RIN2: variants seen among roughly 807,000 people sequenced by gnomAD.
RIN2 encodes Ras and Rab interactor 2.
Under a neutral mutation model 78.0 loss-of-function variants are expected in RIN2, and 36 were observed. The ratio of observed to expected loss-of-function variants is 0.46; its 90% CI spans 0.35 to 0.61. The LOEUF (loss-of-function observed/expected upper bound fraction) is 0.61, where lower values mean the gene tolerates loss of function less well. RIN2 is among the 20% of genes least tolerant of loss of function. The pLI is 0.00. For missense variants in RIN2, 1,087 were observed against 1,159.7 expected (o/e 0.94, Z 0.91); for synonymous variants, 466 against 466.8 (o/e 1.00, Z 0.02).
chr20:19,898,857 C>T (rs1430103957), intron 3 of RIN2, among the ~76,000 whole-genome samples: 1 of 152,144 alleles, frequency 6.6e-6, no homozygotes, highest in African/African-American at 2.4e-5. Flanking sequence ...AGTTTTAAAA[C>T]CCTCTAATAA....
intron 2 of RIN2, among the ~76,000 whole-genome samples, chr20:19,864,791 C>G (rs1389752733): frequency 2.0e-5 from 3 of 152,160 alleles, no homozygotes; most frequent in Non-Finnish European, 4.4e-5. Flanking sequence ...TTACCATCCT[C>G]AAAGGGCCGT....
intron 2 of RIN2, among the ~76,000 whole-genome samples, chr20:19,868,003 C>T (rs1029127950): frequency 9.8e-5 from 15 of 152,306 alleles, no homozygotes; most frequent in Admixed American, 2.0e-4. Context: ...CCATCAGTGT[C>T]GTCATGTCTG....
intron 3 of RIN2, among the ~76,000 whole-genome samples, chr20:19,906,854 G>A (rs2039241120): frequency 6.6e-6 from 1 of 152,212 alleles, no homozygotes. Flanking sequence ...ATAGGCCACT[G>A]GAGTATGACC....
chr20:19,915,276 G>A (rs1304139898), intron 3 of RIN2, among the ~76,000 whole-genome samples: 1 of 152,172 alleles, frequency 6.6e-6, no homozygotes, highest in African/African-American at 2.4e-5. Context: ...GGACCTCTGA[G>A]AGACTGTGTG....
At chr20:19,930,166 CA>C (rs1315854425) in intron 3 of RIN2, among the ~76,000 whole-genome samples, 1 of 152,158 alleles carries the variant, frequency 6.6e-6, no homozygotes, top group African/African-American at 2.4e-5. Context: ...GCGATCCAGC[CA>C]AGTGCAACCT....
chr20:19,897,859 A>C (rs2038806123), intron 3 of RIN2, among the ~76,000 whole-genome samples: 1 of 152,030 alleles, frequency 6.6e-6, no homozygotes, highest in South Asian at 2.1e-4. Flanking sequence ...CTACAGATGC[A>C]TGCCACCATG....
At chr20:19,769,656 C>T (rs2091292655) in intron 1 of RIN2, among the ~76,000 whole-genome samples, 1 of 152,180 alleles carries the variant, frequency 6.6e-6, no homozygotes. Context: ...GAAGCTCCTA[C>T]CAGTGACAAA....
chr20:19,980,820 T>A (rs866918554), intron 9 of RIN2, among the ~76,000 whole-genome samples: 2 of 152,164 alleles, frequency 1.3e-5, no homozygotes, highest in African/African-American at 2.4e-5. Context: ...CACAGCCTTG[T>A]CTCACTAGCT....
chr20:19,780,103 C>T (rs926232182), intron 1 of RIN2, among the ~76,000 whole-genome samples: 2 of 152,212 alleles, frequency 1.3e-5, no homozygotes, highest in African/African-American at 4.8e-5. Context: ...ACCAATGCCT[C>T]ATTGACTCAG....
intron 4 of RIN2, 73 bp from the exon 5 acceptor site, chr20:19,956,542 C>A: frequency 6.9e-7 from 1 of 1,446,276 alleles, no homozygotes; most frequent in Non-Finnish European, 9.5e-7. Context: ...GGCCTATGAA[C>A]TTGTAGGGAC....
intron 10 of RIN2, 85 bp downstream of exon 10, chr20:19,990,396 C>T: frequency 2.3e-6 from 3 of 1,301,554 alleles, no homozygotes; most frequent in Non-Finnish European, 3.1e-6. Flanking sequence ...TTCTGATTCC[C>T]AATTTCTCCT....
At chr20:19,808,178 T>C (rs1352579397) in intron 2 of RIN2, among the ~76,000 whole-genome samples, 1 of 152,254 alleles carries the variant, frequency 6.6e-6, no homozygotes, top group East Asian at 1.9e-4. Context: ...AATGAAATCA[T>C]ATGCCTTATG....
intron 9 of RIN2, among the ~76,000 whole-genome samples, chr20:19,981,829 A>G (rs1343555036): frequency 6.6e-6 from 1 of 152,112 alleles, no homozygotes; most frequent in Non-Finnish European, 1.5e-5. Flanking sequence ...GGCCAACAAT[A>G]CTTAAAACCA....
At chr20:19,815,683 A>G (rs923808405) in intron 2 of RIN2, among the ~76,000 whole-genome samples, 11 of 152,282 alleles carry the variant, frequency 7.2e-5, no homozygotes, top group African/African-American at 2.6e-4. Flanking sequence ...TGTGAATCAC[A>G]GCTGTATTTT....
intron 2 of RIN2, chr20:19,886,742 G>A (rs756783889): frequency 1.3e-6 from 2 of 1,544,386 alleles, no homozygotes; most frequent in South Asian, 2.4e-5. Flanking sequence ...CTTCCAACCG[G>A]TACAAGTCTG....
intron 4 of RIN2, among the ~76,000 whole-genome samples, chr20:19,947,020 C>A (rs1220838397): frequency 2.5e-5 from 3 of 120,472 alleles, no homozygotes; most frequent in Admixed American, 8.5e-5. Context: ...GTCAGACTGT[C>A]TTAAAAAAAA....
At chr20:19,843,415 T>G (rs2036641055) in intron 2 of RIN2, among the ~76,000 whole-genome samples, 1 of 152,188 alleles carries the variant, frequency 6.6e-6, no homozygotes, top group Non-Finnish European at 1.5e-5. Flanking sequence ...AACACCAACT[T>G]TCAGCAACCA....
At chr20:19,774,112 T>C (rs1020600920) in intron 1 of RIN2, among the ~76,000 whole-genome samples, 4 of 152,046 alleles carry the variant, frequency 2.6e-5, no homozygotes, top group African/African-American at 9.7e-5. Context: ...GAGGCCTTTA[T>C]AGGCTCCTCT....
intron 2 of RIN2, among the ~76,000 whole-genome samples, chr20:19,854,788 G>A (rs1243242932): frequency 5.3e-5 from 8 of 152,148 alleles, no homozygotes; most frequent in East Asian, 1.9e-4. Context: ...GGGCTGAGAC[G>A]ATGGGGTTTT....
Sources: gnomAD v4.1 joint callset for allele counts (sites outside exome capture counted in the v4.1 genomes callset) on GRCh38, gnomAD v4.1.1 for gene constraint, MANE v1.5 for transcripts, NCBI Gene and HGNC (gene_info 2026-07-23, HGNC 2026-07-21) for gene names.